AHCTF1: variants seen among roughly 807,000 people sequenced by gnomAD.
AHCTF1 encodes protein ELYS.
Under a neutral mutation model 248.4 loss-of-function variants are expected in AHCTF1, and 24 were observed. The ratio of observed to expected loss-of-function variants is 0.10; its 90% confidence interval spans 0.07 to 0.14. The LOEUF is 0.14. AHCTF1 is among the 10% of genes least tolerant of loss of function. AHCTF1 has a pLI of 1.00. For synonymous variants in AHCTF1, 786 were observed against 929.8 expected, an observed-to-expected ratio of 0.85 and a Z score of 2.81; for missense variants, 2,206 against 2,636.2, an observed-to-expected ratio of 0.84 and a Z score of 3.57.
chr1:246,920,136 C>G (rs1666425219), intron 1 of AHCTF1, among the ~76,000 whole-genome samples: 1 of 124,006 alleles, frequency 8.1e-6, no homozygotes, highest in East Asian at 2.2e-4. Flanking sequence ...GAGACTCTGT[C>G]CCCCGCAAAA....
At chr1:246,869,105 A>G (rs890010450) in intron 24 of AHCTF1, among the ~76,000 whole-genome samples, 2 of 150,788 alleles carry the variant, frequency 1.3e-5, no homozygotes, top group Non-Finnish European at 2.9e-5. Flanking sequence ...TGGCCTCCCA[A>G]AGTGCTGGAT....
chr1:246,844,593 G>A (rs1660113263), intron 33 of AHCTF1, among the ~76,000 whole-genome samples: 1 of 152,098 alleles, frequency 6.6e-6, no homozygotes, highest in African/African-American at 2.4e-5. Flanking sequence ...ATGTGGTGGT[G>A]CACGCCTGTG....
intron 21 of AHCTF1, among the ~76,000 whole-genome samples, chr1:246,878,811 A>AG (rs1350881527): frequency 3.3e-5 from 5 of 152,210 alleles, no homozygotes; most frequent in African/African-American, 1.2e-4. Flanking sequence ...CATGCTCCAC[A>AG]GGGCTTATAC....
intron 12 of AHCTF1, 105 bp downstream of exon 12, chr1:246,898,103 T>TGTA: frequency 1.3e-6 from 2 of 1,487,582 alleles, no homozygotes; most frequent in South Asian, 2.4e-5. Context: ...AGCATTACAC[T>TGTA]ACTTCACCTA....
intron 21 of AHCTF1, among the ~76,000 whole-genome samples, chr1:246,881,950 G>T (rs1663462592): frequency 6.6e-6 from 1 of 151,072 alleles, no homozygotes; most frequent in African/African-American, 2.4e-5. Flanking sequence ...AAAGTGCTGG[G>T]ATTACAGGCA....
chr1:246,885,893 T>C (rs761729681), intron 20 of AHCTF1, among the ~76,000 whole-genome samples: 1 of 152,052 alleles, frequency 6.6e-6, no homozygotes, highest in Admixed American at 6.6e-5. Flanking sequence ...TAGAAAACAT[T>C]TGAAAAAATA....
intron 33 of AHCTF1, among the ~76,000 whole-genome samples, chr1:246,849,401 T>A (rs1160433203): frequency 6.6e-6 from 1 of 152,230 alleles, no homozygotes; most frequent in Non-Finnish European, 1.5e-5. Context: ...ATCTGTTACG[T>A]GAGTTACAGG....
intron 27 of AHCTF1, 55 bp downstream of exon 27, chr1:246,863,869 T>G: frequency 1.9e-6 from 3 of 1,554,550 alleles, no homozygotes; most frequent in Non-Finnish European, 2.6e-6. Context: ...CCTTGCTACT[T>G]GAAAAGTAAG....
At chr1:246,889,535 ATT>A (rs1664069673) in intron 17 of AHCTF1, among the ~76,000 whole-genome samples, 1 of 152,204 alleles carries the variant, frequency 6.6e-6, no homozygotes, top group African/African-American at 2.4e-5. Context: ...ACTCTCCTAA[ATT>A]GGTCATTCTA....
intron 5 of AHCTF1, 48 bp from the exon 6 acceptor site, chr1:246,905,705 G>T (rs1665340134): frequency 6.9e-7 from 1 of 1,455,434 alleles, no homozygotes; most frequent in Non-Finnish European, 9.5e-7. Context: ...TTTTTAGAAA[G>T]GAAAAAGGTA....
chr1:246,903,652 A>ACCCCCCCCCCCC (rs1038477874), intron 7 of AHCTF1, among the ~76,000 whole-genome samples: 1 of 88,446 alleles, frequency 1.1e-5, no homozygotes, highest in African/African-American at 5.1e-5. Flanking sequence ...AGATGGTGAG[A>ACCCCCCCCCCCC]CCCCCCCCCC....
rs1316761099 is a variant in AHCTF1, at chr1:246,867,903, AC to A, written c.3089-93del. 14 of 127,192 alleles carry A rather than the reference AC, an allele frequency of 1.1e-4. 1 individual carries two copies. Among genetic ancestry groups the A allele is most frequent in the East Asian group, 2.7e-4 (1 of 3,710 alleles). The allele number at this position is 127,192 out of a possible 1,614,324, so 7.9% of individuals were successfully genotyped here. A position where few individuals can be genotyped will look rare whatever the true frequency, so the allele number is the denominator to read the frequency against. On this transcript the variant is annotated intron_variant, in intron 24 of 35. Coordinates refer to ENST00000648844, the MANE Select transcript of AHCTF1 (RefSeq NM_001323342.2). ...AAAGAATGATTACACCCCCCCCCCC[AC>A]ACACACACACACACACATTACGTGG... is the stretch of plus-strand genomic sequence containing the variant.
At chr1:246,901,826 C>G (rs775185749) in intron 8 of AHCTF1, among the ~76,000 whole-genome samples, 11 of 152,118 alleles carry the variant, frequency 7.2e-5, no homozygotes, top group Non-Finnish European at 1.2e-4. Flanking sequence ...AGACCCCTGT[C>G]TCTAAATAAA....
At chr1:246,881,853 A>G (rs1663446305) in intron 21 of AHCTF1, among the ~76,000 whole-genome samples, 1 of 150,516 alleles carries the variant, frequency 6.6e-6, no homozygotes, top group Non-Finnish European at 1.5e-5. Flanking sequence ...AAAAAACCAA[A>G]AAAAAAAACA....
chr1:246,861,299 T>C lies in AHCTF1; in HGVS notation c.3736-4A>G, dbSNP rs1470840599. On this transcript the variant is annotated splice_polypyrimidine_tract_variant and splice_region_variant and intron_variant, in intron 28 of 35. Transcript: ENST00000648844. ...CTAATTTGCTATCATCTGCAGCCTG[T>C]AAAGTAAGATTTTGAAAAGAAAAAA... 10 of 1,594,604 alleles carry C rather than the reference T, an allele frequency of 6.3e-6. No individual in the cohort carries two copies. The highest frequency in any genetic ancestry group is 6.8e-6 in the Non-Finnish European group (8 of 1,168,738).
chr1:246,867,847 C>G (rs761120104), intron 24 of AHCTF1, 36 bp from the exon 25 acceptor site: 6 of 1,519,384 alleles, frequency 3.9e-6, no homozygotes, highest in Admixed American at 3.8e-5. Context: ...AAGTGCATCT[C>G]TAACAAACGG....
At chr1:246,866,214 T>C (rs917609529) in intron 26 of AHCTF1, among the ~76,000 whole-genome samples, 2 of 152,172 alleles carry the variant, frequency 1.3e-5, no homozygotes, top group Admixed American at 6.5e-5. Flanking sequence ...CTCATAATAC[T>C]TCTTTAAGGG....
chr1:246,842,482 T>A (rs1463028615), intron 35 of AHCTF1, among the ~76,000 whole-genome samples: 5 of 152,002 alleles, frequency 3.3e-5, no homozygotes, highest in African/African-American at 4.8e-5. Flanking sequence ...CTTGGGAGGC[T>A]GAGGCATGAG....
intron 13 of AHCTF1, 32 bp downstream of exon 13, chr1:246,895,803 A>G: frequency 6.6e-7 from 1 of 1,520,716 alleles, no homozygotes; most frequent in Non-Finnish European, 9.0e-7. Flanking sequence ...CTTTAAAAAT[A>G]CCAAACATTT....
Sources: allele counts gnomAD v4.1 joint callset (sites outside exome capture counted in the v4.1 genomes callset), GRCh38; gene constraint gnomAD v4.1.1; transcripts MANE v1.5; gene names NCBI Gene and HGNC (gene_info 2026-07-23, HGNC 2026-07-21).